B3GLCT: variants seen among roughly 807,000 people sequenced by gnomAD.
B3GLCT encodes the protein beta 3-glucosyltransferase, also known as beta-1,3-glucosyltransferase.
B3GLCT carries 65 observed loss-of-function variants against 63.4 expected under a neutral mutation model. The ratio of observed to expected loss-of-function variants is 1.03; its 90% CI spans 0.84 to 1.26. The LOEUF is 1.26. B3GLCT is among the 50% of genes most tolerant of loss of function. The pLI is 0.00. For missense variants in B3GLCT, 577 were observed against 604.8 expected (o/e 0.95, Z 0.48); for synonymous variants, 233 against 219.2 (o/e 1.06, Z -0.55).
rs1012846730 is a variant in B3GLCT at position 31,202,210 on chromosome 13, A to T, written c.70+2056A>T. On this transcript the variant is annotated intron_variant, in intron 1 of 14. Transcript: ENST00000343307. ...GTTTAGTTTCCCCACAAACTAGAGC[A>T]TATTTGTTTATATTTTTAGAGAAAA... Among the ~76,000 whole-genome samples, 9 of 152,238 alleles carry T rather than the reference A, an allele frequency of 5.9e-5. No homozygotes were observed. In the South Asian group the frequency reaches 1.9e-3, roughly 32 times the overall value.
At chr13:31,279,811 C>A (rs9543430) in intron 10 of B3GLCT, among the ~76,000 whole-genome samples, 11 of 151,990 alleles carry the variant, frequency 7.2e-5, no homozygotes, top group African/African-American at 2.2e-4. Context: ...CATCCCTTAT[C>A]AACGACCATA....
intron 7 of B3GLCT, among the ~76,000 whole-genome samples, chr13:31,264,451 T>C (rs1179716762): frequency 1.3e-5 from 2 of 152,046 alleles, no homozygotes; most frequent in Non-Finnish European, 2.9e-5. Flanking sequence ...CATGGTCTTC[T>C]CCCTACCTCC....
chr13:31,225,918 T>C (rs1347421344), intron 3 of B3GLCT, among the ~76,000 whole-genome samples: 2 of 152,184 alleles, frequency 1.3e-5, no homozygotes, highest in Non-Finnish European at 2.9e-5. Context: ...ATGATTTGTC[T>C]TAACGGATCT....
At chr13:31,308,749 C>T (rs143521194) in intron 12 of B3GLCT, among the ~76,000 whole-genome samples, 43 of 152,210 alleles carry the variant, frequency 2.8e-4, no homozygotes, top group African/African-American at 1.0e-3. Flanking sequence ...TACACCATAC[C>T]CTCTAGTTTC....
chr13:31,234,955 C>T (rs755961956), intron 4 of B3GLCT, among the ~76,000 whole-genome samples: 17 of 152,050 alleles, frequency 1.1e-4, no homozygotes, highest in Non-Finnish European at 2.1e-4. Flanking sequence ...CAGGACTGGG[C>T]GAGGAACCTC....
intron 12 of B3GLCT, among the ~76,000 whole-genome samples, chr13:31,292,188 T>C (rs868446082): frequency 7.2e-5 from 11 of 152,326 alleles, no homozygotes; most frequent in South Asian, 2.1e-4. Context: ...TAGACAAGGT[T>C]TTTGATGTGC....
intron 1 of B3GLCT, among the ~76,000 whole-genome samples, chr13:31,208,572 C>T (rs932532378): frequency 1.4e-5 from 2 of 146,590 alleles, no homozygotes; most frequent in Admixed American, 6.8e-5. Context: ...TCTCACCCCC[C>T]ACCCGGGTGC....
At chr13:31,309,549 A>T (rs564529241) in intron 12 of B3GLCT, among the ~76,000 whole-genome samples, 13 of 152,276 alleles carry the variant, frequency 8.5e-5, no homozygotes, top group African/African-American at 2.6e-4. Flanking sequence ...GGTTCCTTTA[A>T]TTTGCTGGAG....
Position 31,269,215 on chromosome 13 carries a change from CT to C in B3GLCT, c.600del (p.Thr201ProfsTer4). ...AATCAAATTGTCTCTATTTTCTAGGCTTACCAAGAGACTAAAGAGTGAATCC... is the reference window on the plus strand; with the variant it reads ...AATCAAATTGTCTCTATTTTCTAGGCTACCAAGAGACTAAAGAGTGAATCC... ...WALSIPLVNK[L>X]TKRLKSESLK... On this transcript the variant is annotated frameshift_variant and splice_region_variant, in exon 8 of 15. Transcript: ENST00000343307. LOFTEE classifies it high-confidence loss of function. The C allele has an allele frequency of 6.2e-7, 1 of 1,604,964 alleles. No individual in the cohort carries two copies. Among genetic ancestry groups the C allele is most frequent in the Non-Finnish European group, 8.5e-7 (1 of 1,172,012 alleles).
rs1555255278 is a variant in B3GLCT at position 31,316,431 on chromosome 13, A to ATATATATATATATATATAT, written c.1065-1135_1065-1134insTATATATATATATATATAT. ...TTTATATATATATATATATATATATAAATTTTTTTTTTTTGAGACGGAGTT... is the reference window on the plus strand; with the variant it reads ...TTTATATATATATATATATATATATATATATATATATATATATATAATTTTTTTTTTTTGAGACGGAGTT... On this transcript the variant is annotated intron_variant, in intron 12 of 14. Transcript: ENST00000343307. Among the ~76,000 whole-genome samples, 263 of 109,894 alleles carry ATATATATATATATATATAT rather than the reference A, an allele frequency of 2.4e-3. 3 individuals are homozygous for ATATATATATATATATATAT. The highest frequency in any genetic ancestry group is 4.8e-3 in the Middle Eastern group (1 of 210). 72.1% of individuals were successfully genotyped at this position (109,894 alleles called of 152,430 possible).
At chr13:31,222,434 C>A (rs1204296540) in intron 2 of B3GLCT, among the ~76,000 whole-genome samples, 1 of 152,038 alleles carries the variant, frequency 6.6e-6, no homozygotes, top group Admixed American at 6.6e-5. Flanking sequence ...CTTTGCAGGC[C>A]CCTAGGACTA....
In B3GLCT at chr13:31,215,101, G is replaced by A; in HGVS notation, c.120+1G>A. On this transcript the variant is annotated splice_donor_variant, in intron 2 of 14. Coordinates refer to ENST00000343307, the MANE Select transcript of B3GLCT (RefSeq NM_194318.4). LOFTEE classifies it high-confidence loss of function. Reference sequence around the variant, plus strand: ...AAAGAAAGAGGTCAAGCAGTCTCAGGTACTAATCCCAATGATCAAATCTTT... The same window carrying A: ...AAAGAAAGAGGTCAAGCAGTCTCAGATACTAATCCCAATGATCAAATCTTT... 2.5e-6 allele frequency: 4 copies of A among 1,610,460 alleles called. No homozygotes were observed. Among genetic ancestry groups the A allele is most frequent in the South Asian group, 1.1e-5 (1 of 90,770 alleles).
intron 10 of B3GLCT, among the ~76,000 whole-genome samples, chr13:31,278,588 A>G (rs1431760862): frequency 6.6e-6 from 1 of 152,152 alleles, no homozygotes; most frequent in Non-Finnish European, 1.5e-5. Context: ...CAACTTGGAT[A>G]TGTTTGTTTG....
chr13:31,245,604 T>C (rs567821012), intron 4 of B3GLCT, among the ~76,000 whole-genome samples: 2 of 152,308 alleles, frequency 1.3e-5, no homozygotes, highest in East Asian at 3.9e-4. Flanking sequence ...TGATACATAA[T>C]AACTCATTAG....
intron 2 of B3GLCT, among the ~76,000 whole-genome samples, chr13:31,218,729 A>G (rs572645604): frequency 2.6e-5 from 4 of 152,048 alleles, no homozygotes; most frequent in Non-Finnish European, 5.9e-5. Flanking sequence ...TTCCAATACT[A>G]TATTGAATAG....
At chr13:31,289,822 A>AT (rs916972921) in intron 12 of B3GLCT, among the ~76,000 whole-genome samples, 13 of 151,586 alleles carry the variant, frequency 8.6e-5, no homozygotes, top group African/African-American at 2.2e-4. Flanking sequence ...GCCAGAATGG[A>AT]TTTTTTTTAT....
chr13:31,322,837 T>G (rs1875399252), intron 13 of B3GLCT, among the ~76,000 whole-genome samples: 1 of 152,166 alleles, frequency 6.6e-6, no homozygotes, highest in Non-Finnish European at 1.5e-5. Context: ...TGTGCTCTTT[T>G]CCCGGAGTCA....
chr13:31,216,053 A>C (rs765379776), intron 2 of B3GLCT, among the ~76,000 whole-genome samples: 3 of 152,222 alleles, frequency 2.0e-5, no homozygotes, highest in Non-Finnish European at 4.4e-5. Flanking sequence ...AGGAAACAGT[A>C]GTTTAAAATA....
At chr13:31,262,947 C>A (rs768714977) in intron 7 of B3GLCT, among the ~76,000 whole-genome samples, 1 of 152,180 alleles carries the variant, frequency 6.6e-6, no homozygotes, top group Non-Finnish European at 1.5e-5. Flanking sequence ...CTGTTTCTCT[C>A]CCATTTCCCA....
Sources: gnomAD v4.1 joint callset for allele counts (sites outside exome capture counted in the v4.1 genomes callset) on GRCh38, gnomAD v4.1.1 for gene constraint, MANE v1.5 for transcripts, NCBI Gene and HGNC (gene_info 2026-07-23, HGNC 2026-07-21) for gene names.